SHQ1: variants seen among roughly 807,000 people sequenced by gnomAD.
SHQ1 encodes the protein SHQ1, H/ACA ribonucleoprotein assembly factor.
Under a neutral mutation model 53.8 loss-of-function variants are expected in SHQ1, and 49 were observed. The ratio of observed to expected loss-of-function variants is 0.91; its 90% CI spans 0.72 to 1.16. The LOEUF (loss-of-function observed/expected upper bound fraction) is 1.16, where lower values mean the gene tolerates loss of function less well. Among genes scored for constraint, SHQ1 ranks in the 50% most tolerant of loss-of-function variants. SHQ1 has a pLI of 0.00. For missense variants in SHQ1, 738 were observed against 683.1 expected, an observed-to-expected ratio of 1.08 and a Z score of -0.90; for synonymous variants, 243 against 251.0, an observed-to-expected ratio of 0.97 and a Z score of 0.30.
intron 9 of SHQ1, chr3:72,794,628 T>C (rs1706546841): frequency 6.6e-6 from 1 of 152,380 alleles, no homozygotes; most frequent in South Asian, 2.1e-4. Flanking sequence ...ATCTTTCAGA[T>C]TCCAGACTCT....
chr3:72,749,686 AAAT>A lies in SHQ1; in HGVS notation c.*595_*597del, dbSNP rs1705324649. 9.3e-6 allele frequency: 2 copies of A among 214,670 alleles called. No individual in the cohort carries two copies. Among genetic ancestry groups the A allele is most frequent in the Non-Finnish European group, 1.9e-5 (2 of 106,614 alleles). 13.3% of individuals were successfully genotyped at this position (214,670 alleles called of 1,614,324 possible). ...GTGTCAAGTACACCTCCTAAAATAA[AAAT>A]ATTGATGGGCTCTACATTCTGGAGA... On this transcript the variant is annotated 3_prime_UTR_variant, in exon 11 of 11. Transcript: ENST00000325599.
chr3:72,830,155 T>C (rs1029144191), intron 5 of SHQ1, among the ~76,000 whole-genome samples: 6 of 152,068 alleles, frequency 3.9e-5, no homozygotes, highest in African/African-American at 1.4e-4. Flanking sequence ...ATCCAGATTT[T>C]ACAATAAAAG....
intron 10 of SHQ1, among the ~76,000 whole-genome samples, chr3:72,783,554 T>C (rs1706136494): frequency 6.6e-6 from 1 of 151,970 alleles, no homozygotes; most frequent in Non-Finnish European, 1.5e-5. Context: ...CCTCAACTGA[T>C]CCTCCCACTT....
intron 3 of SHQ1, among the ~76,000 whole-genome samples, chr3:72,841,949 T>C (rs1256280368): frequency 6.6e-6 from 1 of 152,212 alleles, no homozygotes; most frequent in Non-Finnish European, 1.5e-5. Context: ...CATGGATCAG[T>C]ACTGGTCTGC....
intron 4 of SHQ1, among the ~76,000 whole-genome samples, chr3:72,833,484 AGAT>A (rs1707892026): frequency 2.4e-5 from 2 of 84,486 alleles, no homozygotes; most frequent in African/African-American, 7.7e-5. Context: ...ATAGATAGAT[AGAT>A]AGATAGATAG....
chr3:72,768,126 A>C (rs1463928702), intron 10 of SHQ1, among the ~76,000 whole-genome samples: 1 of 152,206 alleles, frequency 6.6e-6, no homozygotes, highest in African/African-American at 2.4e-5. Context: ...CACCTGCTTA[A>C]AAAGGCAGCA....
At chr3:72,829,415 A>G (rs1707762752) in intron 5 of SHQ1, among the ~76,000 whole-genome samples, 1 of 152,214 alleles carries the variant, frequency 6.6e-6, no homozygotes, top group South Asian at 2.1e-4. Flanking sequence ...CAACACAGAG[A>G]TTGAGATCTT....
intron 9 of SHQ1, among the ~76,000 whole-genome samples, chr3:72,802,494 G>A (rs561143022): frequency 8.5e-5 from 13 of 152,230 alleles, no homozygotes; most frequent in African/African-American, 2.6e-4. Flanking sequence ...CTTTCAGCCC[G>A]GTCCCAGCAC....
At chr3:72,821,697 C>T (rs1195532316) in intron 6 of SHQ1, among the ~76,000 whole-genome samples, 1 of 152,128 alleles carries the variant, frequency 6.6e-6, no homozygotes, top group Non-Finnish European at 1.5e-5. Flanking sequence ...CGCTATGACA[C>T]AAAGAGGAAG....
At chr3:72,762,592 G>C (rs1705635703) in intron 10 of SHQ1, among the ~76,000 whole-genome samples, 1 of 152,142 alleles carries the variant, frequency 6.6e-6, no homozygotes, top group Non-Finnish European at 1.5e-5. Context: ...ACCTCGCAAG[G>C]TCTCCCGTTC....
intron 10 of SHQ1, among the ~76,000 whole-genome samples, chr3:72,754,649 G>T (rs978941072): frequency 6.6e-6 from 1 of 152,076 alleles, no homozygotes; most frequent in African/African-American, 2.4e-5. Flanking sequence ...CCAAAGTGCT[G>T]GGATTACAGG....
intron 4 of SHQ1, among the ~76,000 whole-genome samples, chr3:72,837,677 A>G (rs560965993): frequency 2.0e-5 from 3 of 152,240 alleles, no homozygotes; most frequent in Non-Finnish European, 4.4e-5. Context: ...ATCATTTTAA[A>G]TTAGAAAAGA....
chr3:72,796,123 A>G (rs1706611669), intron 9 of SHQ1, among the ~76,000 whole-genome samples: 1 of 151,040 alleles, frequency 6.6e-6, no homozygotes, highest in African/African-American at 2.4e-5. Context: ...AAAAAAAAAA[A>G]AGAAAGAGAA....
intron 10 of SHQ1, among the ~76,000 whole-genome samples, chr3:72,761,049 CTA>C (rs1288707976): frequency 6.6e-6 from 1 of 152,174 alleles, no homozygotes; most frequent in Non-Finnish European, 1.5e-5. Flanking sequence ...TTTATGAGCT[CTA>C]GTCCTTAGTG....
At chr3:72,840,387 C>T (rs941619634) in intron 4 of SHQ1, among the ~76,000 whole-genome samples, 9 of 151,642 alleles carry the variant, frequency 5.9e-5, no homozygotes, top group African/African-American at 2.2e-4. Context: ...AAAACCCCAT[C>T]TCCGCAAAAA....
At chr3:72,750,922 G>C (rs1169885930) in intron 10 of SHQ1, 86 bp from the exon 11 acceptor site, 1 of 1,136,298 alleles carries the variant, frequency 8.8e-7, no homozygotes, top group Non-Finnish European at 1.2e-6. Flanking sequence ...AAAAAATAAA[G>C]TTGAATCCAT....
chr3:72,757,308 T>C (rs1705516081), intron 10 of SHQ1, among the ~76,000 whole-genome samples: 4 of 152,140 alleles, frequency 2.6e-5, no homozygotes, highest in Admixed American at 1.3e-4. Flanking sequence ...GGCCTTTTAA[T>C]TTCATAGCAT....
chr3:72,764,347 T>A (rs1240637196), intron 10 of SHQ1, among the ~76,000 whole-genome samples: 2 of 152,158 alleles, frequency 1.3e-5, no homozygotes, highest in African/African-American at 4.8e-5. Context: ...GTGCCCAGAC[T>A]ACTAAGGTTT....
chr3:72,840,214 T>C (rs1236303690), intron 4 of SHQ1, among the ~76,000 whole-genome samples: 2 of 128,302 alleles, frequency 1.6e-5, no homozygotes, highest in Non-Finnish European at 3.1e-5. Context: ...ATCGTGCCAC[T>C]GCACTCCAGC....
Sources: allele counts gnomAD v4.1 joint callset (sites outside exome capture counted in the v4.1 genomes callset), GRCh38; gene constraint gnomAD v4.1.1; transcripts MANE v1.5; gene names NCBI Gene and HGNC (gene_info 2026-07-23, HGNC 2026-07-21).